ADGRF5: variants seen among roughly 807,000 people sequenced by gnomAD.
ADGRF5 encodes G-protein coupled receptor 116.
ADGRF5 carries 75 observed loss-of-function variants against 132.3 expected under a neutral mutation model. The ratio of observed to expected loss-of-function variants is 0.57; its 90% CI spans 0.47 to 0.69. ADGRF5 has a LOEUF of 0.69. Ranked by LOEUF, ADGRF5 falls within the 30% of genes least tolerant of loss-of-function variation. The pLI, the probability that ADGRF5 is intolerant of heterozygous loss-of-function variation, is 0.00. For synonymous variants in ADGRF5, 629 were observed against 597.6 expected, an observed-to-expected ratio of 1.05 and a Z score of -0.77; for missense variants, 1,516 against 1,630.6, an observed-to-expected ratio of 0.93 and a Z score of 1.21.
At chr6:46,892,196 ACACACACACACACAG>A in intron 3 of ADGRF5, among the ~76,000 whole-genome samples, 1 of 150,988 alleles carries the variant, frequency 6.6e-6, no homozygotes. Flanking sequence ...ACACACACAC[ACACACACACACACAG>A]AAAGAGAGAG....
At chr6:46,866,848 C>T in intron 13 of ADGRF5, 77 bp downstream of exon 13, 2 of 818,374 alleles carry the variant, frequency 2.4e-6, no homozygotes, top group Non-Finnish European at 4.1e-6. Flanking sequence ...TCTCTTGATC[C>T]CTATTTTAAG....
At chr6:46,941,494 G>A (rs1778087216) in intron 1 of ADGRF5, among the ~76,000 whole-genome samples, 1 of 149,534 alleles carries the variant, frequency 6.7e-6, no homozygotes, top group Non-Finnish European at 1.5e-5. Flanking sequence ...AGAAAGAAAA[G>A]AAAGGCAGGC....
upstream of ADGRF5, among the ~76,000 whole-genome samples, chr6:46,925,370 C>T (rs540690165): frequency 6.6e-6 from 1 of 152,216 alleles, no homozygotes; most frequent in South Asian, 2.1e-4. Context: ...CCACATCCCC[C>T]CTACTTGCTT....
At chr6:46,883,929 G>T (rs1461138008) in intron 5 of ADGRF5, among the ~76,000 whole-genome samples, 166 bp downstream of exon 5, 2 of 152,108 alleles carry the variant, frequency 1.3e-5, no homozygotes, top group Non-Finnish European at 2.9e-5. Context: ...TTTAGTAGAG[G>T]CAGGGTTTCA....
intron 4 of ADGRF5, among the ~76,000 whole-genome samples, chr6:46,885,769 T>C (rs1031700111): frequency 5.9e-5 from 9 of 152,224 alleles, no homozygotes; most frequent in African/African-American, 2.2e-4. Flanking sequence ...TTGTAGACTA[T>C]TGTAGATATA....
chr6:46,898,056 T>G (rs1774368439), intron 3 of ADGRF5, among the ~76,000 whole-genome samples: 1 of 152,222 alleles, frequency 6.6e-6, no homozygotes, highest in Non-Finnish European at 1.5e-5. Flanking sequence ...CTTTTCATGT[T>G]GATTTAACAT....
rs190714897 is a variant in ADGRF5, at chr6:46,949,164, G to C, written c.-25+5570C>G. Among the ~76,000 whole-genome samples the C allele has an allele frequency of 2.7e-3, 407 of 152,240 alleles. 1 individual carries two copies. Among genetic ancestry groups the C allele is most frequent in the Middle Eastern group, 0.02 (6 of 294 alleles). ...TAAAATATATCATGGCTTTGTTTCG[G>C]TCTGAAAACATATAGCATTTGCTTA... On this transcript the variant is annotated intron_variant, in intron 1 of 20. Coordinates refer to the ADGRF5 transcript ENST00000265417.
rs1333769154 is a variant in ADGRF5, at chr6:46,918,813, A to T, written c.-25+2900T>A. On this transcript the variant is annotated intron_variant, in intron 1 of 20. Coordinates refer to ENST00000283296, the MANE Select transcript of ADGRF5 (RefSeq NM_001098518.2). Reference sequence around the variant, plus strand: ...ATTCTAATGATCTGCACTGCTGCTGACACTTTTGGTCCTAATTTCTTGGCT... The same window carrying T: ...ATTCTAATGATCTGCACTGCTGCTGTCACTTTTGGTCCTAATTTCTTGGCT... Among the ~76,000 whole-genome samples, 3 of 152,198 alleles carry T rather than the reference A, an allele frequency of 2.0e-5. No homozygotes were observed. In the East Asian group the frequency reaches 5.8e-4, roughly 29 times the overall value.
intron 1 of ADGRF5, among the ~76,000 whole-genome samples, chr6:46,946,562 T>A (rs1406553046): frequency 6.6e-6 from 1 of 152,062 alleles, no homozygotes; most frequent in East Asian, 1.9e-4. Context: ...ATGAGAAGGA[T>A]CTAAGCATAA....
At chr6:46,939,771 A>AT (rs1388512358) in intron 1 of ADGRF5, among the ~76,000 whole-genome samples, 12 of 152,124 alleles carry the variant, frequency 7.9e-5, no homozygotes, top group African/African-American at 1.4e-4. Context: ...TATTTAGCCC[A>AT]TTTTTTCTGT....
At chr6:46,857,875 T>C (rs1340533460) in intron 17 of ADGRF5, among the ~76,000 whole-genome samples, 1 of 152,196 alleles carries the variant, frequency 6.6e-6, no homozygotes, top group African/African-American at 2.4e-5. Context: ...CTTTTACTAG[T>C]GTAATCAGTG....
chr6:46,939,274 C>T (rs1777966972), intron 1 of ADGRF5, among the ~76,000 whole-genome samples: 1 of 152,080 alleles, frequency 6.6e-6, no homozygotes, highest in South Asian at 2.1e-4. Flanking sequence ...TAACATGGTT[C>T]GTTGAGTGGC....
At chr6:46,902,914 T>A (rs905562348) in intron 2 of ADGRF5, among the ~76,000 whole-genome samples, 6 of 152,220 alleles carry the variant, frequency 3.9e-5, no homozygotes, top group African/African-American at 1.4e-4. Context: ...CGGACCTGAT[T>A]TGAATAGAGC....
At chr6:46,941,547 C>G (rs1402728922) in intron 1 of ADGRF5, among the ~76,000 whole-genome samples, 1 of 152,080 alleles carries the variant, frequency 6.6e-6, no homozygotes, top group African/African-American at 2.4e-5. Context: ...GAATCTAATA[C>G]TCTGGAAGTG....
chr6:46,862,917 G>T lies in ADGRF5; in HGVS notation c.2170C>A (p.Pro724Thr). 6.2e-7 allele frequency: 1 copy of T among 1,612,222 alleles called. No homozygotes were observed. The highest frequency in any genetic ancestry group is 1.3e-5 in the African/African-American group (1 of 74,546). Residue 724 changes from proline to threonine, a missense_variant, in exon 15 of 21, where the codon CCA (proline) becomes ACA (threonine). By Grantham distance (38) the Pro-to-Thr change is conservative. Coordinates refer to ENST00000283296, the MANE Select transcript of ADGRF5 (RefSeq NM_001098518.2). ...EEKRNDCISA[P>T]INSLLQMAKA... ...GCCATCTGGAGCAGACTGTTTATTG[G>T]GGCAGAGATGCAGTCATTTCTCTTC...
intron 1 of ADGRF5, among the ~76,000 whole-genome samples, chr6:46,953,661 A>ATATATATATAGATATATG (rs1561846918): frequency 4.2e-5 from 5 of 120,226 alleles, no homozygotes; most frequent in African/African-American, 1.9e-4. Context: ...GTATATATAT[A>ATATATATATAGATATATG]TATATATATA....
chr6:46,927,563 C>T (rs543414246), intron 1 of ADGRF5, among the ~76,000 whole-genome samples: 2 of 152,240 alleles, frequency 1.3e-5, no homozygotes, highest in South Asian at 2.1e-4. Context: ...TAGAGGTAAA[C>T]TCCTGTTACA....
chr6:46,860,644 T>C (rs993070204), intron 16 of ADGRF5, 71 bp downstream of exon 16: 6 of 1,126,146 alleles, frequency 5.3e-6, no homozygotes, highest in Admixed American at 1.9e-5. Context: ...AGGAATTACG[T>C]TTCTTGAATA....
chr6:46,888,628 T>C, intron 3 of ADGRF5, 123 bp from the exon 4 acceptor site: 2 of 677,652 alleles, frequency 3.0e-6, no homozygotes, highest in Non-Finnish European at 2.6e-6. Flanking sequence ...TATCAACCCT[T>C]AGGAATTTCT....
Sources: allele counts gnomAD v4.1 joint callset (sites outside exome capture counted in the v4.1 genomes callset), GRCh38; gene constraint gnomAD v4.1.1; transcripts MANE v1.5; gene names NCBI Gene and HGNC (gene_info 2026-07-23, HGNC 2026-07-21).